Variants in ZNF892 observed in about 807,000 individuals in gnomAD.
ZNF892 encodes zinc finger protein 570-like.
the ZNF892 span, chr2:95,208,715 G>C: frequency 2.5e-6 from 1 of 398,622 alleles, no homozygotes; most frequent in Non-Finnish European, 4.4e-6. Flanking sequence ...TGACTGCTGT[G>C]CTGCTGACCC....
the ZNF892 span, chr2:95,259,166 G>C: frequency 6.6e-6 from 1 of 152,316 alleles, no homozygotes; most frequent in Non-Finnish European, 1.5e-5. Context: ...TTTGTCTCCT[G>C]TTTTCCGGGA....
At chr2:95,262,003 A>G in the ZNF892 span, among the ~76,000 whole-genome samples, 2 of 152,212 alleles carry the variant, frequency 1.3e-5, no homozygotes, top group South Asian at 4.1e-4. Context: ...AACAAGAATG[A>G]AAGGGAAAAG....
At chr2:95,247,731 T>C in the ZNF892 span, among the ~76,000 whole-genome samples, 1 of 151,888 alleles carries the variant, frequency 6.6e-6, no homozygotes, top group African/African-American at 2.4e-5. Flanking sequence ...CCAACAAACA[T>C]ATGAAAAAAT....
chr2:95,230,219 GA>G, the ZNF892 span, among the ~76,000 whole-genome samples: 1 of 152,096 alleles, frequency 6.6e-6, no homozygotes, highest in African/African-American at 2.4e-5. Flanking sequence ...GACTCAGGGG[GA>G]AAGGGTGGGA....
the ZNF892 span, among the ~76,000 whole-genome samples, chr2:95,228,436 AT>A: frequency 3.3e-5 from 5 of 151,984 alleles, no homozygotes; most frequent in Non-Finnish European, 7.4e-5. Context: ...TTTTAAAAAA[AT>A]TTTTTTTGCA....
the ZNF892 span, among the ~76,000 whole-genome samples, chr2:95,242,930 G>A: frequency 6.6e-6 from 1 of 152,180 alleles, no homozygotes; most frequent in African/African-American, 2.4e-5. Context: ...CTGCCATCTC[G>A]GCTCACTGCA....
the ZNF892 span, among the ~76,000 whole-genome samples, chr2:95,247,177 A>C: frequency 6.6e-6 from 1 of 152,206 alleles, no homozygotes; most frequent in Admixed American, 6.5e-5. Flanking sequence ...CCAATGGAAC[A>C]GAATAGAGAA....
chr2:95,256,300 G>C, the ZNF892 span, among the ~76,000 whole-genome samples: 1 of 152,170 alleles, frequency 6.6e-6, no homozygotes, highest in African/African-American at 2.4e-5. Context: ...TTGCTTGTCT[G>C]TAAAGGATTT....
the ZNF892 span, among the ~76,000 whole-genome samples, chr2:95,246,009 C>G: frequency 1.3e-5 from 2 of 152,176 alleles, no homozygotes; most frequent in African/African-American, 4.8e-5. Flanking sequence ...CTCCCTAACT[C>G]ATTCTATGAG....
chr2:95,209,585 G>A, the ZNF892 span, among the ~76,000 whole-genome samples: 1 of 152,136 alleles, frequency 6.6e-6, no homozygotes, highest in Non-Finnish European at 1.5e-5. Flanking sequence ...GTCACACCAG[G>A]CCTAACAGCA....
chr2:95,242,329 G>T, the ZNF892 span, among the ~76,000 whole-genome samples: 1 of 152,150 alleles, frequency 6.6e-6, no homozygotes, highest in Non-Finnish European at 1.5e-5. Flanking sequence ...AGCAATTGGG[G>T]ACCAATATTC....
At chr2:95,230,447 G>A in the ZNF892 span, among the ~76,000 whole-genome samples, 1 of 152,054 alleles carries the variant, frequency 6.6e-6, no homozygotes, top group Admixed American at 6.5e-5. Flanking sequence ...ATTGGATATT[G>A]GTTATATTCT....
chr2:95,225,247 C>G, the ZNF892 span, among the ~76,000 whole-genome samples: 2 of 152,086 alleles, frequency 1.3e-5, no homozygotes, highest in Non-Finnish European at 2.9e-5. Context: ...GTAAAAAACA[C>G]ATAACATAAA....
the ZNF892 span, among the ~76,000 whole-genome samples, chr2:95,236,605 C>A: frequency 6.6e-6 from 1 of 152,156 alleles, no homozygotes; most frequent in African/African-American, 2.4e-5. Flanking sequence ...TTGTCAGGAG[C>A]CTGTATCATT....
chr2:95,230,430 A>G, the ZNF892 span, among the ~76,000 whole-genome samples: 1 of 152,122 alleles, frequency 6.6e-6, no homozygotes, highest in African/African-American at 2.4e-5. Context: ...CACTTTTTCA[A>G]GTATTTATTG....
chr2:95,214,033 A>G, the ZNF892 span, among the ~76,000 whole-genome samples: 1 of 152,100 alleles, frequency 6.6e-6, no homozygotes, highest in Non-Finnish European at 1.5e-5. Flanking sequence ...ATTTCTCCAT[A>G]TCACCTCTTC....
the ZNF892 span, among the ~76,000 whole-genome samples, chr2:95,257,678 G>GAGGC: frequency 1.1e-4 from 17 of 152,244 alleles, no homozygotes; most frequent in African/African-American, 3.4e-4. Flanking sequence ...GGAGTCTACA[G>GAGGC]AGGCAGGCAG....
the ZNF892 span, among the ~76,000 whole-genome samples, chr2:95,248,536 A>G: frequency 6.6e-6 from 1 of 152,182 alleles, no homozygotes; most frequent in Non-Finnish European, 1.5e-5. Context: ...AAGCACAACA[A>G]ATTATTTTGA....
chr2:95,246,229 G>A, the ZNF892 span, among the ~76,000 whole-genome samples: 1 of 152,200 alleles, frequency 6.6e-6, no homozygotes, highest in African/African-American at 2.4e-5. Flanking sequence ...ATCAGTAAAT[G>A]TGATTAATCA....
Sources: allele counts gnomAD v4.1 joint callset (sites outside exome capture counted in the v4.1 genomes callset), GRCh38; gene constraint gnomAD v4.1.1; transcripts MANE v1.5; gene names NCBI Gene and HGNC (gene_info 2026-07-23, HGNC 2026-07-21).